Variants in USP25 observed in about 807,000 individuals in gnomAD.
USP25 encodes the protein ubiquitin carboxyl-terminal hydrolase 25.
In USP25, 85 loss-of-function variants were observed where a neutral mutation model predicts 158.5. The observed-to-expected ratio is 0.54, with a 90% CI of 0.45 to 0.64. USP25 has a LOEUF of 0.64. Among genes scored for constraint, USP25 ranks in the 30% least tolerant of loss-of-function variants. The pLI is 0.00. For missense variants in USP25, 1,242 were observed against 1,327.3 expected (o/e 0.94, Z 1.00); for synonymous variants, 464 against 460.4 (o/e 1.01, Z -0.10).
In USP25 at chr21:15,811,200, A is replaced by G. The variant is rs748635153; in HGVS notation, c.921A>G (p.Gly307=). 4.3e-6 allele frequency: 7 copies of G among 1,612,534 alleles called. No individual in the cohort carries two copies. Among genetic ancestry groups the G allele is most frequent in the Non-Finnish European group, 5.9e-6 (7 of 1,179,354 alleles). The change falls in exon 9 of 26, where the codon GGA becomes GGG. Residue 307 remains glycine, a synonymous_variant. Transcript: ENST00000400183. ...TCTATGGCAGATTCCTGGCTGTGGG[A>G]GTACTTGAAGGTAGAGTTATACATT... ...ELFYGRFLAV[G]VLEGKKFENT...
At chr21:15,789,133 G>A (rs2035453163) in intron 4 of USP25, among the ~76,000 whole-genome samples, 1 of 151,992 alleles carries the variant, frequency 6.6e-6, no homozygotes, top group East Asian at 1.9e-4. Flanking sequence ...AGAAGGCAAA[G>A]GAACTAAAAA....
rs560886505 is a variant in USP25 at position 15,837,617 on chromosome 21, G to A, written c.2194+4069G>A. On this transcript the variant is annotated intron_variant, in intron 17 of 25. Coordinates refer to ENST00000400183, the MANE Select transcript of USP25 (RefSeq NM_001283041.3). ...CAGAAATTATGCTGGAGAGAAGAGC[G>A]TTGTCCGAGTTACTATTTTACTTAT... 5.3e-5 allele frequency among the ~76,000 whole-genome samples: 8 copies of A among 152,276 alleles called. No homozygotes were observed. In the South Asian group the frequency reaches 1.2e-3, roughly 24 times the overall value.
rs1568854160 is a variant in USP25, at chr21:15,824,981, CAG to C, written c.1228_1229del (p.Glu410AsnfsTer5). 2 of 1,610,082 alleles carry C rather than the reference CAG, an allele frequency of 1.2e-6. No individual in the cohort carries two copies. The highest frequency in any genetic ancestry group is 1.7e-6 in the Non-Finnish European group (2 of 1,177,918). On this transcript the variant is annotated frameshift_variant, in exon 12 of 26. Transcript: ENST00000400183. LOFTEE classifies it high-confidence loss of function. ...TTTCTGATAGATACATGCACAGAAA[CAG>C]AGAAATAACAAGAATTAAGAGGGAA... ...LYLDRYMHRN[R>X]EITRIKREEI...
intron 5 of USP25, among the ~76,000 whole-genome samples, chr21:15,794,456 T>G (rs1443596107): frequency 2.0e-5 from 3 of 151,696 alleles, no homozygotes; most frequent in African/African-American, 7.2e-5. Flanking sequence ...AAGTACTGAT[T>G]GCAGCTGTTC....
At chr21:15,795,064 T>A (rs539275918) in intron 5 of USP25, among the ~76,000 whole-genome samples, 25 of 151,766 alleles carry the variant, frequency 1.6e-4, no homozygotes, top group African/African-American at 5.5e-4. Context: ...ACCTGTCTGC[T>A]TCCTAGTCCT....
Position 15,804,169 on chromosome 21 carries a change from G to A in USP25, c.643-952G>A, listed in dbSNP as rs552812101. ...TACATTGTTAGTGATTGGTAATGTG[G>A]GTTGTTTTAATTTCTTTCTGGAGAT... is the stretch of plus-strand genomic sequence containing the variant. On this transcript the variant is annotated intron_variant, in intron 6 of 25. Transcript: ENST00000400183. 2.0e-5 allele frequency among the ~76,000 whole-genome samples: 3 copies of A among 151,896 alleles called. No individual in the cohort carries two copies. The East Asian group carries it at 5.8e-4, about 29-fold the overall frequency.
At chr21:15,765,059 G>GT (rs2033960523) in intron 2 of USP25, among the ~76,000 whole-genome samples, 1 of 152,022 alleles carries the variant, frequency 6.6e-6, no homozygotes, top group African/African-American at 2.4e-5. Flanking sequence ...TTTTTAAAAT[G>GT]TAAGTCATAC....
intron 16 of USP25, among the ~76,000 whole-genome samples, chr21:15,833,040 A>G (rs1432102674): frequency 6.6e-6 from 1 of 152,060 alleles, no homozygotes; most frequent in Non-Finnish European, 1.5e-5. Context: ...AACAACAGCA[A>G]CAAAAAACTT....
chr21:15,777,906 G>A lies in USP25; in HGVS notation c.271G>A (p.Val91Met), dbSNP rs2034749010. ...AGAAAGATAGTTTTGCTTTTCAGAT[G>A]TGATTGATCTCACTGGAGATGATAA... ...ISVGSQADTN[V>M]IDLTGDDKDD... Residue 91 changes from valine to methionine, a missense_variant and splice_region_variant, in exon 4 of 26, where the codon GTG (valine) becomes ATG (methionine). Physicochemically the swap from Val to Met is conservative, Grantham distance 21 (BLOSUM62 1). Transcript: ENST00000400183. 6.3e-7 allele frequency: 1 copy of A among 1,582,260 alleles called. No homozygotes were observed. Among genetic ancestry groups the A allele is most frequent in the Non-Finnish European group, 8.5e-7 (1 of 1,170,594 alleles).
intron 1 of USP25, among the ~76,000 whole-genome samples, chr21:15,731,654 G>A (rs534874057): frequency 6.6e-6 from 1 of 152,336 alleles, no homozygotes; most frequent in South Asian, 2.1e-4. Context: ...CGTTGGGAAA[G>A]TTGTTTTTGA....
chr21:15,809,794 A>T (rs1488758894), intron 8 of USP25, among the ~76,000 whole-genome samples: 1 of 152,230 alleles, frequency 6.6e-6, no homozygotes, highest in Non-Finnish European at 1.5e-5. Flanking sequence ...TGTGCTGTAT[A>T]TACATACAGT....
chr21:15,732,316 G>T (rs1307084263), intron 1 of USP25, among the ~76,000 whole-genome samples: 1 of 152,048 alleles, frequency 6.6e-6, no homozygotes, highest in African/African-American at 2.4e-5. Flanking sequence ...TTTTACAGAA[G>T]AAACACTTAA....
chr21:15,846,158 A>ATTTTTTTTT (rs397973617), intron 18 of USP25, among the ~76,000 whole-genome samples: 1 of 23,942 alleles, frequency 4.2e-5, no homozygotes, highest in African/African-American at 1.7e-4. Context: ...ATATATATAT[A>ATTTTTTTTT]TTTTTTTTTT....
intron 1 of USP25, among the ~76,000 whole-genome samples, chr21:15,755,370 G>C (rs1339947470): frequency 2.0e-5 from 3 of 152,106 alleles, no homozygotes; most frequent in Non-Finnish European, 4.4e-5. Flanking sequence ...TTTCTCCTTT[G>C]TTGTCAGTGG....
chr21:15,759,278 A>G (rs1011046890), intron 1 of USP25, among the ~76,000 whole-genome samples: 3 of 152,202 alleles, frequency 2.0e-5, no homozygotes, highest in Non-Finnish European at 4.4e-5. Flanking sequence ...GTAATTTTCT[A>G]AATGAAAGTA....
rs1199382717 is a variant in USP25, at chr21:15,879,438, T to C, written c.*963T>C. 1 of 152,514 alleles carries C rather than the reference T, an allele frequency of 6.6e-6. No homozygotes were observed. The highest frequency in any genetic ancestry group is 1.5e-5 in the Non-Finnish European group (1 of 67,954). The allele number at this position is 152,514 out of a possible 1,614,324, so 9.4% of individuals were successfully genotyped here. A position where few individuals can be genotyped will look rare whatever the true frequency, so the allele number is the denominator to read the frequency against. ...AATTGTATATCACTTTAATTGAAAA[T>C]GTTCTCTACTAATTAATACTGTGAA... On this transcript the variant is annotated 3_prime_UTR_variant, in exon 26 of 26. Coordinates refer to ENST00000400183, the MANE Select transcript of USP25 (RefSeq NM_001283041.3).
In USP25 at chr21:15,730,382, G is replaced by T. The variant is rs1226432715; in HGVS notation, c.-12G>T. The stretch of plus-strand genomic sequence containing the variant: ...CGCCACCGCCGCCGCCGCCGCCGCC[G>T]CCGCGGGGGCCATGACCGTGGAGCA... On this transcript the variant is annotated 5_prime_UTR_variant, in exon 1 of 26. Coordinates refer to ENST00000400183, the MANE Select transcript of USP25 (RefSeq NM_001283041.3). 9 of 1,241,232 alleles carry T rather than the reference G, an allele frequency of 7.3e-6. No homozygotes were observed. The East Asian group carries it at 2.7e-4, about 38-fold the overall frequency. The allele number at this position is 1,241,232 out of a possible 1,614,324, so 76.9% of individuals were successfully genotyped here.
intron 7 of USP25, among the ~76,000 whole-genome samples, 197 bp from the exon 8 acceptor site, chr21:15,808,612 G>A (rs1362411240): frequency 6.6e-6 from 1 of 151,166 alleles, no homozygotes. Flanking sequence ...ATCATATAAT[G>A]CTTGTTTTTT....
At chr21:15,731,738 A>G (rs1299679082) in intron 1 of USP25, among the ~76,000 whole-genome samples, 1 of 152,214 alleles carries the variant, frequency 6.6e-6, no homozygotes, top group Middle Eastern at 3.2e-3. Context: ...ACAGTGAAAT[A>G]ATTCAAGATT....
Sources: gnomAD v4.1 joint callset for allele counts (sites outside exome capture counted in the v4.1 genomes callset) on GRCh38, gnomAD v4.1.1 for gene constraint, MANE v1.5 for transcripts, NCBI Gene and HGNC (gene_info 2026-07-23, HGNC 2026-07-21) for gene names.